The following CTDP1 variants were observed in gnomAD, a reference collection of about 807,000 sequenced individuals.
CTDP1 encodes CTD phosphatase 1.
In CTDP1, 47 loss-of-function variants were observed where a neutral mutation model predicts 91.8. The observed-to-expected ratio is 0.51, with a 90% CI of 0.41 to 0.65. The LOEUF is 0.65. Ranked by LOEUF, CTDP1 falls within the 30% of genes least tolerant of loss-of-function variation. CTDP1 has a pLI of 0.00. For synonymous variants in CTDP1, 656 were observed against 598.5 expected, an observed-to-expected ratio of 1.10 and a Z score of -1.40; for missense variants, 1,272 against 1,373.7, an observed-to-expected ratio of 0.93 and a Z score of 1.17.
At chr18:79,749,175 T>C (rs1019264309) in intron 12 of CTDP1, among the ~76,000 whole-genome samples, 1 of 152,236 alleles carries the variant, frequency 6.6e-6, no homozygotes, top group Non-Finnish European at 1.5e-5. Context: ...ATTAGAACTC[T>C]GCCACGGATG....
intron 3 of CTDP1, among the ~76,000 whole-genome samples, chr18:79,696,367 C>G (rs1208629422): frequency 6.6e-6 from 1 of 152,194 alleles, no homozygotes; most frequent in African/African-American, 2.4e-5. Flanking sequence ...CAGGCTCAGC[C>G]TGGGTTCCCT....
chr18:79,744,844 C>T (rs1019354460), intron 12 of CTDP1, among the ~76,000 whole-genome samples: 5 of 152,172 alleles, frequency 3.3e-5, no homozygotes, highest in African/African-American at 1.2e-4. Context: ...GGCCACAGAC[C>T]AGTCCTGAAG....
chr18:79,744,647 T>G (rs2086842907), intron 12 of CTDP1, among the ~76,000 whole-genome samples: 1 of 152,190 alleles, frequency 6.6e-6, no homozygotes, highest in Non-Finnish European at 1.5e-5. Context: ...CGGATGGAAT[T>G]ACGATGCTAA....
chr18:79,677,384 C>G (rs2085267766), upstream of CTDP1: 2 of 152,264 alleles, frequency 1.3e-5, no homozygotes, highest in African/African-American at 4.8e-5. Flanking sequence ...CACTGTGTGG[C>G]CAAAGACTTA....
intron 4 of CTDP1, 130 bp from the exon 5 acceptor site, chr18:79,704,637 C>A: frequency 8.0e-7 from 1 of 1,249,444 alleles, no homozygotes; most frequent in Non-Finnish European, 1.1e-6. Context: ...GTCGGGCACA[C>A]GCGTGTCTTC....
At position 79,732,409 on chromosome 18, in the gene CTDP1, C is replaced by CTCACA. The variant is rs528924457; in HGVS notation, c.2580+3343_2580+3344insCATCA. ...CCCAAAATCACGCGAGACATGAGAA[C>CTCACA]TCAGGAGTGCTCCCAAAATCACGTG... is the stretch of plus-strand genomic sequence containing the variant. On this transcript the variant is annotated intron_variant, in intron 11 of 12. Coordinates refer to ENST00000613122, the MANE Select transcript of CTDP1 (RefSeq NM_004715.5). 4.2e-4 allele frequency among the ~76,000 whole-genome samples: 32 copies of CTCACA among 76,720 alleles called. 6 individuals are homozygous for CTCACA. The highest frequency in any genetic ancestry group is 9.3e-4 in the Admixed American group (6 of 6,470). 50.3% of individuals were successfully genotyped at this position (76,720 alleles called of 152,430 possible). A position where few individuals can be genotyped will look rare whatever the true frequency, so the allele number is the denominator to read the frequency against.
In CTDP1 at chr18:79,744,780, T is replaced by G. The variant is rs1599316879; in HGVS notation, c.2747+8259T>G. On this transcript the variant is annotated intron_variant, in intron 12 of 12. Coordinates refer to ENST00000613122, the MANE Select transcript of CTDP1 (RefSeq NM_004715.5). The stretch of plus-strand genomic sequence containing the variant: ...GGCGGCCATGGCGAGACCTTGGAGG[T>G]TCCCCCGCCACTCAGTCATGGGGGG... Among the ~76,000 whole-genome samples, 4 of 151,936 alleles carry G rather than the reference T, an allele frequency of 2.6e-5. No individual in the cohort carries two copies. In the South Asian group the frequency reaches 6.2e-4, roughly 24 times the overall value.
intron 1 of CTDP1, among the ~76,000 whole-genome samples, chr18:79,689,442 G>T (rs1261222283): frequency 6.6e-6 from 1 of 152,176 alleles, no homozygotes; most frequent in Admixed American, 6.5e-5. Flanking sequence ...CAGTGGTGGT[G>T]TTCTCAATTC....
chr18:79,718,539 G>C (rs2086268791), intron 10 of CTDP1, among the ~76,000 whole-genome samples: 1 of 152,162 alleles, frequency 6.6e-6, no homozygotes. Context: ...TTGGTAGCCG[G>C]GATCTGTGCT....
intron 10 of CTDP1, among the ~76,000 whole-genome samples, chr18:79,720,944 C>A (rs1298049823): frequency 1.3e-5 from 2 of 152,166 alleles, no homozygotes; most frequent in Non-Finnish European, 2.9e-5. Flanking sequence ...TCACAAAATT[C>A]TGGAAAACGT....
At chr18:79,707,738 T>C (rs1005047205) in intron 5 of CTDP1, among the ~76,000 whole-genome samples, 1 of 152,206 alleles carries the variant, frequency 6.6e-6, no homozygotes, top group South Asian at 2.1e-4. Flanking sequence ...CGAGCTTTGC[T>C]TCATTGTGGC....
At position 79,712,899 on chromosome 18, in the gene CTDP1, GT is replaced by G. The variant is rs562682018; in HGVS notation, c.864-71del. The G allele has an allele frequency of 1.8e-4, 281 of 1,520,374 alleles. 1 individual carries two copies. In the African/African-American group the frequency reaches 3.2e-3, roughly 17 times the overall value. The allele number at this position is 1,520,374 out of a possible 1,614,324, so 94.2% of individuals were successfully genotyped here. On this transcript the variant is annotated intron_variant, in intron 6 of 12. Transcript: ENST00000613122. ...TACATGTGGATTAGAATCTTAAACTGTTACGCTTGGCAAGATGAATGACTAC... is the reference window on the plus strand; with the variant it reads ...TACATGTGGATTAGAATCTTAAACTGTACGCTTGGCAAGATGAATGACTAC...
Position 79,715,195 on chromosome 18 carries a change from G to A in CTDP1, c.1735G>A (p.Glu579Lys). 1 of 1,612,268 alleles carries A rather than the reference G, an allele frequency of 6.2e-7. No homozygotes were observed. The highest frequency in any genetic ancestry group is 8.5e-7 in the Non-Finnish European group (1 of 1,179,320). ...GESLDQSMEE[E>K]EEEDTDEDDH... ...GTCCCTGGACCAGAGCATGGAGGAG[G>A]AGGAGGAGGAGGACACGGATGAGGA... is the stretch of plus-strand genomic sequence containing the variant. Residue 579 changes from glutamate (E) to lysine (K), a missense_variant, in exon 8 of 13, where the codon GAG becomes AAG. Physicochemically the swap from Glu to Lys is moderately conservative, Grantham distance 56. Around this residue, in one of 3 missense-constraint regions of CTDP1, gnomAD observed 881 missense variants for 911.6 expected, o/e 0.97. Coordinates refer to ENST00000613122, the MANE Select transcript of CTDP1 (RefSeq NM_004715.5).
At chr18:79,711,832 A>G (rs2086090296) in intron 6 of CTDP1, among the ~76,000 whole-genome samples, 1 of 152,012 alleles carries the variant, frequency 6.6e-6, no homozygotes, top group African/African-American at 2.4e-5. Flanking sequence ...ATTCTTTTAT[A>G]TGCTTTGACG....
At chr18:79,729,402 T>C (rs2086519007) in intron 11 of CTDP1, among the ~76,000 whole-genome samples, 1 of 151,914 alleles carries the variant, frequency 6.6e-6, no homozygotes, top group African/African-American at 2.4e-5. Context: ...TGGGACGGGG[T>C]CTGGAGGCAC....
At chr18:79,704,406 G>A (rs2242175) in intron 4 of CTDP1, among the ~76,000 whole-genome samples, 46,989 of 151,958 alleles carry the variant, frequency 0.31, 8,710 homozygotes, top group East Asian at 0.41. Context: ...GTGGAGGGGC[G>A]TGTACACACG....
In CTDP1 at chr18:79,753,979, T is replaced by G; in HGVS notation, c.*189T>G. On this transcript the variant is annotated 3_prime_UTR_variant, in exon 13 of 13. Coordinates refer to ENST00000613122, the MANE Select transcript of CTDP1 (RefSeq NM_004715.5). ...TTTAAGAAGTTTTACTACAGGAATG[T>G]CTACTTTTGTAAGTGACAGGTGTTA... 1.2e-6 allele frequency: 1 copy of G among 801,916 alleles called. No individual in the cohort carries two copies. The highest frequency in any genetic ancestry group is 1.9e-6 in the Non-Finnish European group (1 of 515,834). The allele number at this position is 801,916 out of a possible 1,614,324, so 49.7% of individuals were successfully genotyped here.
chr18:79,715,348 A>C lies in CTDP1; in HGVS notation c.1888A>C (p.Lys630Gln). Residue 630 changes from lysine (K) to glutamine (Q), a missense_variant, in exon 8 of 13, where the codon AAG (lysine) becomes CAG (glutamine). By Grantham distance (53) the Lys-to-Gln change is moderately conservative. Coordinates refer to ENST00000613122, the MANE Select transcript of CTDP1 (RefSeq NM_004715.5). ...PDIRKIVPEL[K>Q]SKVLADVAII... ...CATCCGCAAGATCGTGCCGGAGCTC[A>C]AGAGCAAGGTGCTGGCAGACGTGGC... 1 of 1,609,232 alleles carries C rather than the reference A, an allele frequency of 6.2e-7. No individual in the cohort carries two copies. Among genetic ancestry groups the C allele is most frequent in the Non-Finnish European group, 8.5e-7 (1 of 1,177,778 alleles).
chr18:79,717,782 C>T lies in CTDP1; in HGVS notation c.2211-28C>T, dbSNP rs201574080. On this transcript the variant is annotated intron_variant, in intron 9 of 12. Transcript: ENST00000613122. ...CCCCTCATCACCCGGACGCCCCGCT[C>T]ATGGCCCTCGTTCTCTTCCTCCGAC... The T allele has an allele frequency of 1.6e-4, 252 of 1,613,754 alleles. No homozygotes were observed. In the African/African-American group the frequency reaches 2.9e-3, roughly 19 times the overall value.
Sources: gnomAD v4.1 joint callset for allele counts (sites outside exome capture counted in the v4.1 genomes callset) on GRCh38, gnomAD v4.1.1 for gene constraint, gnomAD v4.1.1 regional missense constraint, MANE v1.5 for transcripts, NCBI Gene and HGNC (gene_info 2026-07-23, HGNC 2026-07-21) for gene names.